The following HYAL4 variants were observed in gnomAD, a reference collection of about 807,000 sequenced individuals.
The protein encoded by HYAL4 is hyaluronidase-4.
HYAL4 carries 37 observed loss-of-function variants against 35.2 expected under a neutral mutation model. The observed-to-expected ratio is 1.05, with a 90% CI of 0.81 to 1.38. The LOEUF (loss-of-function observed/expected upper bound fraction) is 1.38. Among genes scored for constraint, HYAL4 ranks in the 40% most tolerant of loss-of-function variants. The probability of loss-of-function intolerance (pLI) is 0.00; values close to 1 mark genes in which losing one functional copy is unlikely to be tolerated. For missense variants in HYAL4, 572 were observed against 572.4 expected, an observed-to-expected ratio of 1.00 and a Z score of 0.01; for synonymous variants, 198 against 203.2, an observed-to-expected ratio of 0.97 and a Z score of 0.22.
chr7:123,764,874 A>G, the HYAL4 span, among the ~76,000 whole-genome samples: 1 of 152,098 alleles, frequency 6.6e-6, no homozygotes, highest in African/African-American at 2.4e-5. Context: ...TTTTATGGAC[A>G]CTCTTGATCC....
the HYAL4 span, among the ~76,000 whole-genome samples, chr7:123,794,198 A>G: frequency 6.6e-6 from 1 of 152,296 alleles, no homozygotes; most frequent in East Asian, 1.9e-4. Context: ...GAGAGAGATG[A>G]TTTAGGGTAT....
intron 2 of HYAL4, among the ~76,000 whole-genome samples, chr7:123,865,927 A>G (rs1044888222): frequency 2.6e-5 from 4 of 152,156 alleles, no homozygotes; most frequent in African/African-American, 9.7e-5. Flanking sequence ...GCAAAATCAC[A>G]TCTTACATGG....
intron 2 of HYAL4, among the ~76,000 whole-genome samples, chr7:123,858,758 G>C (rs1806515848): frequency 6.6e-6 from 1 of 152,114 alleles, no homozygotes; most frequent in Admixed American, 6.5e-5. Context: ...GTGATATTCT[G>C]GGAAGGCAAG....
chr7:123,856,110 T>A (rs1455552800), intron 2 of HYAL4, among the ~76,000 whole-genome samples: 1 of 152,036 alleles, frequency 6.6e-6, no homozygotes, highest in Non-Finnish European at 1.5e-5. Context: ...TAACCTTTTA[T>A]CAAGGTTCTT....
chr7:123,852,611 C>G (rs1294667566), intron 2 of HYAL4, among the ~76,000 whole-genome samples: 1 of 152,122 alleles, frequency 6.6e-6, no homozygotes, highest in Non-Finnish European at 1.5e-5. Flanking sequence ...TGTTTTGGTA[C>G]CAGTACCATG....
Position 123,845,424 on chromosome 7 carries a change from G to A in HYAL4, c.-383G>A, listed in dbSNP as rs1450065675. On this transcript the variant is annotated 5_prime_UTR_variant, in exon 1 of 5. An upstream open reading frame in the 5' UTR gains an earlier in-frame stop. Transcript: ENST00000223026. ...GGGTTTCACCATATTGGCCAGAATG[G>A]TTTTGCATTCCTGACCTCAAGTGAT... 1 of 151,814 alleles carries A rather than the reference G, an allele frequency of 6.6e-6. No individual in the cohort carries two copies. Among genetic ancestry groups the A allele is most frequent in the Non-Finnish European group, 1.5e-5 (1 of 67,972 alleles). 9.4% of individuals were successfully genotyped at this position (151,814 alleles called of 1,614,324 possible).
chr7:123,850,117 A>C (rs1483356948), intron 2 of HYAL4, among the ~76,000 whole-genome samples: 1 of 152,250 alleles, frequency 6.6e-6, no homozygotes, highest in African/African-American at 2.4e-5. Flanking sequence ...TGTACTGATA[A>C]ATGCAATACA....
the HYAL4 span, among the ~76,000 whole-genome samples, chr7:123,804,050 C>T: frequency 6.6e-6 from 1 of 152,120 alleles, no homozygotes; most frequent in Non-Finnish European, 1.5e-5. Flanking sequence ...TATCCTTATA[C>T]TAGAGTTCAC....
chr7:123,812,764 T>G, the HYAL4 span, among the ~76,000 whole-genome samples: 3 of 152,152 alleles, frequency 2.0e-5, no homozygotes, highest in African/African-American at 7.2e-5. Context: ...AGAGTAGATA[T>G]TCTTTCATTT....
upstream of HYAL4, among the ~76,000 whole-genome samples, chr7:123,842,552 TG>T (rs1303708497): frequency 6.6e-6 from 1 of 151,996 alleles, no homozygotes; most frequent in African/African-American, 2.4e-5. Flanking sequence ...TGGATATCCT[TG>T]TTAACCTTCT....
At chr7:123,799,914 C>T in the HYAL4 span, among the ~76,000 whole-genome samples, 1 of 151,652 alleles carries the variant, frequency 6.6e-6, no homozygotes, top group African/African-American at 2.4e-5. Flanking sequence ...TAATCCCAGC[C>T]CTTTTGGAGG....
At chr7:123,824,662 C>T (rs1805775881), upstream of HYAL4, among the ~76,000 whole-genome samples, 1 of 152,112 alleles carries the variant, frequency 6.6e-6, no homozygotes, top group Non-Finnish European at 1.5e-5. Flanking sequence ...TTCCCCTTTA[C>T]TTCTTCCCCA....
the HYAL4 span, among the ~76,000 whole-genome samples, chr7:123,790,202 G>A: frequency 1.3e-5 from 2 of 152,140 alleles, no homozygotes; most frequent in Non-Finnish European, 2.9e-5. Flanking sequence ...AGACATGGCA[G>A]TAATGAAAAC....
At chr7:123,809,637 G>A in the HYAL4 span, among the ~76,000 whole-genome samples, 127 of 152,072 alleles carry the variant, frequency 8.4e-4, no homozygotes, top group African/African-American at 2.9e-3. Context: ...GGCCTCCAGT[G>A]TTCTGCCCCC....
chr7:123,856,476 T>C (rs1353274282), intron 2 of HYAL4, among the ~76,000 whole-genome samples: 1 of 152,204 alleles, frequency 6.6e-6, no homozygotes, highest in Admixed American at 6.5e-5. Flanking sequence ...TGCTGGAGTT[T>C]CCTGGAGGTC....
the HYAL4 span, among the ~76,000 whole-genome samples, chr7:123,805,175 T>A: frequency 2.0e-5 from 3 of 152,200 alleles, no homozygotes; most frequent in East Asian, 5.8e-4. Flanking sequence ...CTTGCGGAAG[T>A]TTTGAATCTT....
chr7:123,843,584 A>C (rs1584912471), upstream of HYAL4, among the ~76,000 whole-genome samples: 1 of 151,972 alleles, frequency 6.6e-6, no homozygotes. Flanking sequence ...TAATATCCCG[A>C]AGACTGTTTT....
At chr7:123,817,116 C>T in the HYAL4 span, among the ~76,000 whole-genome samples, 18 of 152,282 alleles carry the variant, frequency 1.2e-4, no homozygotes, top group African/African-American at 4.3e-4. Context: ...ATCTCTGACT[C>T]TCCATACCTT....
chr7:123,874,198 A>G (rs903499312), intron 3 of HYAL4, among the ~76,000 whole-genome samples: 5 of 152,240 alleles, frequency 3.3e-5, no homozygotes, highest in South Asian at 4.1e-4. Flanking sequence ...ATTGCCTTCA[A>G]TATAATATCC....
Sources: gnomAD v4.1 joint callset for allele counts (sites outside exome capture counted in the v4.1 genomes callset) on GRCh38, gnomAD v4.1.1 for gene constraint, MANE v1.5 for transcripts, NCBI Gene and HGNC (gene_info 2026-07-23, HGNC 2026-07-21) for gene names.